CDK14: variants seen among roughly 807,000 people sequenced by gnomAD.
The protein encoded by CDK14 is cyclin-dependent kinase 14.
A neutral mutation model predicts 60.7 loss-of-function variants in CDK14; 34 were observed. The ratio of observed to expected loss-of-function variants is 0.56; its 90% CI spans 0.43 to 0.75. The LOEUF (loss-of-function observed/expected upper bound fraction) is 0.75. Ranked by LOEUF, CDK14 falls within the 30% of genes least tolerant of loss-of-function variation. The pLI is 0.00. For synonymous variants in CDK14, 197 were observed against 203.7 expected (o/e 0.97, Z 0.28); for missense variants, 482 against 564.1 (o/e 0.85, Z 1.47).
chr7:91,156,922 T>G (rs1196192174), intron 14 of CDK14, among the ~76,000 whole-genome samples: 2 of 152,228 alleles, frequency 1.3e-5, no homozygotes, highest in African/African-American at 2.4e-5. Context: ...GGGCCTTCAC[T>G]TGGATGATAC....
chr7:90,892,331 T>C (rs562504998), intron 6 of CDK14, among the ~76,000 whole-genome samples: 3 of 152,372 alleles, frequency 2.0e-5, no homozygotes, highest in Admixed American at 1.3e-4. Flanking sequence ...ATGGACATTA[T>C]ATACGTAATT....
chr7:90,831,953 T>C (rs1199651305), intron 5 of CDK14, among the ~76,000 whole-genome samples: 1 of 152,028 alleles, frequency 6.6e-6, no homozygotes, highest in African/African-American at 2.4e-5. Context: ...CTGTGCCTCA[T>C]CTAGTAACTC....
intron 14 of CDK14, among the ~76,000 whole-genome samples, chr7:91,174,724 G>T (rs1285122038): frequency 8.0e-6 from 1 of 125,746 alleles, no homozygotes; most frequent in Non-Finnish European, 1.7e-5. Flanking sequence ...AAGATGAAAT[G>T]AATGAAATGA....
intron 5 of CDK14, among the ~76,000 whole-genome samples, chr7:90,795,301 T>C (rs986659227): frequency 1.3e-5 from 2 of 152,176 alleles, no homozygotes; most frequent in Non-Finnish European, 2.9e-5. Context: ...TCCCACAGTC[T>C]GCATTTGTAG....
Position 91,103,356 on chromosome 7 carries a change from T to C in CDK14, c.1155-9186T>C, listed in dbSNP as rs538500215. Among the ~76,000 whole-genome samples, 3 of 152,304 alleles carry C rather than the reference T, an allele frequency of 2.0e-5. No homozygotes were observed. In the South Asian group the frequency reaches 6.2e-4, roughly 32 times the overall value. On this transcript the variant is annotated intron_variant, in intron 12 of 14. Transcript: ENST00000380050. ...TTGCACCACCATTTTTGTCCTCCAC[T>C]TTCCATTCCATCTTTTCAACTTTGA...
At chr7:91,064,046 A>G (rs1031626511) in intron 11 of CDK14, among the ~76,000 whole-genome samples, 5 of 152,176 alleles carry the variant, frequency 3.3e-5, no homozygotes, top group African/African-American at 9.7e-5. Context: ...AATCTGTTCA[A>G]GGTTTCTAGA....
chr7:90,694,999 G>A (rs1032492748), intron 2 of CDK14, among the ~76,000 whole-genome samples: 6 of 152,254 alleles, frequency 3.9e-5, no homozygotes, highest in Middle Eastern at 3.4e-3. Context: ...TATGTGATCA[G>A]AATAATTCTT....
At chr7:90,824,798 T>A (rs930597648) in intron 5 of CDK14, 3 of 152,212 alleles carry the variant, frequency 2.0e-5, no homozygotes, top group Non-Finnish European at 4.4e-5. Context: ...GTTCAAGTAA[T>A]AGATGTGGTG....
intron 5 of CDK14, among the ~76,000 whole-genome samples, chr7:90,860,744 C>G (rs1251838801): frequency 6.6e-6 from 1 of 151,986 alleles, no homozygotes; most frequent in African/African-American, 2.4e-5. Context: ...AGGATGGTCT[C>G]AATCTCTTGA....
At chr7:90,876,396 G>A (rs1321723280) in intron 6 of CDK14, among the ~76,000 whole-genome samples, 1 of 152,150 alleles carries the variant, frequency 6.6e-6, no homozygotes, top group African/African-American at 2.4e-5. Context: ...GTTTAAGAGG[G>A]GCAGTTATCT....
intron 2 of CDK14, among the ~76,000 whole-genome samples, chr7:90,715,625 G>A (rs1439500507): frequency 6.7e-6 from 1 of 149,510 alleles, no homozygotes; most frequent in African/African-American, 2.5e-5. Flanking sequence ...CTGTGGGAGA[G>A]GGAGAAAAAG....
At chr7:90,660,207 G>A (rs987313761) in intron 2 of CDK14, among the ~76,000 whole-genome samples, 10 of 152,094 alleles carry the variant, frequency 6.6e-5, no homozygotes, top group African/African-American at 2.4e-4. Context: ...GCATAGATTG[G>A]AGCATCACAC....
intron 5 of CDK14, among the ~76,000 whole-genome samples, chr7:90,800,146 C>T (rs1038788059): frequency 5.3e-5 from 8 of 152,060 alleles, no homozygotes; most frequent in Non-Finnish European, 8.8e-5. Context: ...TCTCTCTCTT[C>T]CTTTCTCCAC....
At chr7:90,921,106 A>C (rs528528665) in intron 8 of CDK14, among the ~76,000 whole-genome samples, 2 of 152,362 alleles carry the variant, frequency 1.3e-5, no homozygotes, top group South Asian at 4.1e-4. Context: ...ATATGGAGGC[A>C]TTCAGACTCA....
chr7:90,888,864 T>A (rs766462275), intron 6 of CDK14, among the ~76,000 whole-genome samples: 7 of 152,234 alleles, frequency 4.6e-5, no homozygotes, highest in Non-Finnish European at 1.0e-4. Context: ...AACGTCCTTT[T>A]CAAGTGACTG....
At chr7:90,869,614 A>C (rs1302952082) in intron 6 of CDK14, among the ~76,000 whole-genome samples, 1 of 152,204 alleles carries the variant, frequency 6.6e-6, no homozygotes, top group East Asian at 1.9e-4. Flanking sequence ...AAGGGTGGGG[A>C]AGTTAAGAAT....
chr7:90,911,010 A>G (rs527950612), intron 7 of CDK14, among the ~76,000 whole-genome samples: 2 of 152,006 alleles, frequency 1.3e-5, no homozygotes, highest in Non-Finnish European at 2.9e-5. Flanking sequence ...TTTATCTCCC[A>G]AGTATAAGTG....
At chr7:90,609,404 G>C (rs558152702) in intron 2 of CDK14, among the ~76,000 whole-genome samples, 4 of 152,108 alleles carry the variant, frequency 2.6e-5, no homozygotes, top group Non-Finnish European at 5.9e-5. Context: ...GTGTTGGAAG[G>C]GGGGCCTGGT....
At chr7:90,898,695 A>G (rs1159133364) in intron 6 of CDK14, among the ~76,000 whole-genome samples, 1 of 152,126 alleles carries the variant, frequency 6.6e-6, no homozygotes, top group Non-Finnish European at 1.5e-5. Context: ...TGAGATGTTG[A>G]ATATTCGTTT....
Sources: allele counts gnomAD v4.1 joint callset (sites outside exome capture counted in the v4.1 genomes callset), GRCh38; gene constraint gnomAD v4.1.1; transcripts MANE v1.5; gene names NCBI Gene and HGNC (gene_info 2026-07-23, HGNC 2026-07-21).